U2SURP: variants seen among roughly 807,000 people sequenced by gnomAD.
U2SURP encodes U2 snRNP-associated SURP motif-containing protein.
A neutral mutation model predicts 144.9 loss-of-function variants in U2SURP; 9 were observed. The ratio of observed to expected loss-of-function variants is 0.06; its 90% CI spans 0.04 to 0.11. The LOEUF (loss-of-function observed/expected upper bound fraction) is 0.11, where lower values mean the gene tolerates loss of function less well. U2SURP is among the 10% of genes least tolerant of loss of function. U2SURP has a pLI of 1.00. For missense variants in U2SURP, 724 were observed against 1,226.7 expected (o/e 0.59, Z 6.12); for synonymous variants, 408 against 396.8 (o/e 1.03, Z -0.33).
intron 10 of U2SURP, 152 bp downstream of exon 10, chr3:143,021,707 T>C (rs1936645452): frequency 1.5e-6 from 1 of 688,736 alleles, no homozygotes; most frequent in Admixed American, 3.0e-5. Context: ...CCAGGTTGTC[T>C]TGCCACATAT....
At chr3:143,016,408 CTG>C (rs778812624) in intron 5 of U2SURP, 37 bp downstream of exon 5, 2 of 1,564,868 alleles carry the variant, frequency 1.3e-6, no homozygotes, top group African/African-American at 1.4e-5. Flanking sequence ...TAAAGCATAA[CTG>C]TATTACAGTT....
intron 6 of U2SURP, 180 bp downstream of exon 6, chr3:143,017,155 C>A: frequency 2.2e-6 from 1 of 451,980 alleles, no homozygotes. Context: ...AATTGGGACA[C>A]GTAGATGATA....
chr3:143,031,313 A>G (rs1250934820), intron 16 of U2SURP, among the ~76,000 whole-genome samples: 1 of 150,732 alleles, frequency 6.6e-6, no homozygotes, highest in Admixed American at 6.6e-5. Context: ...ATGTTAACAA[A>G]CAACAACTCA....
intron 20 of U2SURP, 35 bp from the exon 21 acceptor site, chr3:143,037,144 A>C: frequency 6.3e-7 from 1 of 1,590,148 alleles, no homozygotes; most frequent in South Asian, 1.1e-5. Flanking sequence ...TTCAGCAAGC[A>C]AAGGAAAATG....
chr3:143,015,962 A>G (rs1351529301), intron 4 of U2SURP, among the ~76,000 whole-genome samples: 1 of 152,162 alleles, frequency 6.6e-6, no homozygotes, highest in Non-Finnish European at 1.5e-5. Flanking sequence ...ATATGTTTTC[A>G]TATAGTCAGT....
At chr3:143,037,591 A>G (rs1394388687) in intron 21 of U2SURP, among the ~76,000 whole-genome samples, 2 of 152,066 alleles carry the variant, frequency 1.3e-5, no homozygotes, top group South Asian at 2.1e-4. Flanking sequence ...GCCTCCTATA[A>G]TATTAGCAAG....
intron 14 of U2SURP, 63 bp downstream of exon 14, chr3:143,027,316 T>A: frequency 3.1e-6 from 4 of 1,277,360 alleles, no homozygotes; most frequent in Non-Finnish European, 3.4e-6. Context: ...TAACTATTTT[T>A]AAGTATACAG....
intron 1 of U2SURP, among the ~76,000 whole-genome samples, chr3:143,007,646 T>C (rs917829163): frequency 3.9e-5 from 6 of 152,104 alleles, no homozygotes; most frequent in African/African-American, 1.4e-4. Context: ...TTTTGCTGTG[T>C]TAGCCAGGAT....
intron 1 of U2SURP, among the ~76,000 whole-genome samples, chr3:143,004,314 A>G (rs1368581989): frequency 6.7e-6 from 1 of 149,976 alleles, no homozygotes; most frequent in Non-Finnish European, 1.5e-5. Flanking sequence ...TTATAAAAAG[A>G]TTAAATTAGA....
At chr3:143,049,592 G>C (rs1934741997) in intron 24 of U2SURP, among the ~76,000 whole-genome samples, 3 of 152,060 alleles carry the variant, frequency 2.0e-5, no homozygotes. Flanking sequence ...GGATCTTCCA[G>C]GTCCTCATAC....
intron 19 of U2SURP, among the ~76,000 whole-genome samples, 197 bp from the exon 20 acceptor site, chr3:143,035,784 GT>G (rs531564314): frequency 3.8e-4 from 58 of 151,796 alleles, no homozygotes; most frequent in Non-Finnish European, 6.9e-4. Context: ...ATTTTTAGGG[GT>G]TTTTTTCCTT....
chr3:143,048,477 C>T (rs773261576), intron 24 of U2SURP, among the ~76,000 whole-genome samples: 3 of 152,166 alleles, frequency 2.0e-5, no homozygotes, highest in South Asian at 2.1e-4. Context: ...GTTGCCCACC[C>T]CACCCCCTTG....
chr3:143,011,796 A>C, intron 2 of U2SURP: 1 of 305,770 alleles, frequency 3.3e-6, no homozygotes, highest in Non-Finnish European at 6.6e-6. Flanking sequence ...GTGTGATAAA[A>C]TAAGAAGTAC....
rs543805179 is a variant in U2SURP, at chr3:143,044,312, G to A, written c.2544+1036G>A. On this transcript the variant is annotated intron_variant, in intron 24 of 27. Transcript: ENST00000473835. ...TCCTTTTTTTTTTTTTTTTTGAGAC[G>A]GGGTTTCTTTCTGTTGACCAGGCTG... is the stretch of plus-strand genomic sequence containing the variant. 4.4e-4 allele frequency among the ~76,000 whole-genome samples: 8 copies of A among 17,990 alleles called. No individual in the cohort carries two copies. In the South Asian group the frequency reaches 5.1e-3, roughly 11 times the overall value. The allele number at this position is 17,990 out of a possible 152,430, so 11.8% of individuals were successfully genotyped here.
Position 143,001,586 on chromosome 3 carries a change from C to T in U2SURP, c.-43C>T, listed in dbSNP as rs375855390. 1 of 1,611,136 alleles carries T rather than the reference C, an allele frequency of 6.2e-7. No individual in the cohort carries two copies. The highest frequency in any genetic ancestry group is 1.1e-5 in the South Asian group (1 of 90,480). On this transcript the variant is annotated 5_prime_UTR_variant, in exon 1 of 28. Coordinates refer to ENST00000473835, the MANE Select transcript of U2SURP (RefSeq NM_001080415.2). ...AGATCCGCTCTTTCGGTGCTCGACT[C>T]GCCCGTGCTGCTGCCGCCGCCGAAG...
rs528635580 is a variant in U2SURP at position 143,056,020 on chromosome 3, A to G, written c.2952-292A>G. ...ACTTATGGAGCTTGTTAAAAATGCA[A>G]ATTCTTAGTTCCATCCTCCAGAGAT... On this transcript the variant is annotated intron_variant, in intron 27 of 27. Coordinates refer to ENST00000473835, the MANE Select transcript of U2SURP (RefSeq NM_001080415.2). Among the ~76,000 whole-genome samples the G allele has an allele frequency of 1.5e-4, 23 of 152,228 alleles. No individual in the cohort carries two copies. In the East Asian group the frequency reaches 3.9e-3, roughly 26 times the overall value.
At chr3:143,036,239 AT>A in intron 20 of U2SURP, 135 bp downstream of exon 20, 2 of 997,952 alleles carry the variant, frequency 2.0e-6, no homozygotes, top group Non-Finnish European at 2.6e-6. Context: ...TAAGTAGTGG[AT>A]TTTTATTGCT....
intron 18 of U2SURP, 162 bp from the exon 19 acceptor site, chr3:143,034,726 T>C (rs1161047420): frequency 3.6e-6 from 2 of 551,862 alleles, no homozygotes; most frequent in Non-Finnish European, 6.4e-6. Context: ...GTTCAAGCAA[T>C]TCAGTTACGG....
chr3:143,015,529 G>A (rs1936330060), intron 4 of U2SURP, among the ~76,000 whole-genome samples: 1 of 151,704 alleles, frequency 6.6e-6, no homozygotes, highest in Non-Finnish European at 1.5e-5. Flanking sequence ...AGATTATTTT[G>A]TAGTTTATTC....
Sources: gnomAD v4.1 joint callset for allele counts (sites outside exome capture counted in the v4.1 genomes callset) on GRCh38, gnomAD v4.1.1 for gene constraint, MANE v1.5 for transcripts, NCBI Gene and HGNC (gene_info 2026-07-23, HGNC 2026-07-21) for gene names.